Variants in SLC26A8 observed in about 807,000 individuals in gnomAD.
The protein encoded by SLC26A8 is testis anion transporter 1.
In SLC26A8, 70 loss-of-function variants were observed where a neutral mutation model predicts 105.0. The ratio of observed to expected loss-of-function variants is 0.67; its 90% CI spans 0.55 to 0.81. The LOEUF (loss-of-function observed/expected upper bound fraction) is 0.81, where lower values mean the gene tolerates loss of function less well. Ranked by LOEUF, SLC26A8 falls within the 40% of genes least tolerant of loss-of-function variation. The pLI, the probability that SLC26A8 is intolerant of heterozygous loss-of-function variation, is 0.00. For synonymous variants in SLC26A8, 415 were observed against 438.3 expected (o/e 0.95, Z 0.66); for missense variants, 998 against 1,181.8 (o/e 0.84, Z 2.28).
chr6:36,015,772 A>C (rs1761979921), intron 2 of SLC26A8, among the ~76,000 whole-genome samples: 1 of 152,134 alleles, frequency 6.6e-6, no homozygotes, highest in Non-Finnish European at 1.5e-5. Context: ...CAACTTGCAA[A>C]AGGCAGAATG....
intron 19 of SLC26A8, among the ~76,000 whole-genome samples, chr6:35,949,435 T>TA (rs943844494): frequency 2.4e-4 from 36 of 147,068 alleles, no homozygotes; most frequent in South Asian, 1.9e-3. Context: ...GTCTCAAAAA[T>TA]AAAAAAAAAA....
At chr6:35,973,814 T>C (rs770760186) in intron 10 of SLC26A8, among the ~76,000 whole-genome samples, 1 of 152,266 alleles carries the variant, frequency 6.6e-6, no homozygotes, top group Non-Finnish European at 1.5e-5. Context: ...CATTCGTTTC[T>C]GACCATGGCT....
chr6:35,963,426 T>C (rs1428519084), intron 11 of SLC26A8, among the ~76,000 whole-genome samples: 1 of 152,208 alleles, frequency 6.6e-6, no homozygotes, highest in African/African-American at 2.4e-5. Context: ...GGTCTATGAA[T>C]GCTCCTAAGG....
chr6:35,980,873 C>T (rs1773239531), intron 8 of SLC26A8, among the ~76,000 whole-genome samples: 2 of 152,102 alleles, frequency 1.3e-5, no homozygotes, highest in South Asian at 4.2e-4. Flanking sequence ...ATTAGCCAGG[C>T]GTGGTGGCAG....
chr6:36,017,529 G>A (rs1389564377), intron 2 of SLC26A8, among the ~76,000 whole-genome samples: 1 of 152,016 alleles, frequency 6.6e-6, no homozygotes, highest in Non-Finnish European at 1.5e-5. Context: ...CTACTCAGGA[G>A]GCTGAGGCAG....
chr6:35,951,596 T>G (rs1771875689), intron 17 of SLC26A8, 97 bp from the exon 18 acceptor site: 1 of 1,345,402 alleles, frequency 7.4e-7, no homozygotes, highest in Admixed American at 1.8e-5. Flanking sequence ...TTTTGGTTTT[T>G]TGTGACAGAG....
chr6:35,952,148 G>A (rs1005808627), intron 17 of SLC26A8, among the ~76,000 whole-genome samples: 1 of 152,168 alleles, frequency 6.6e-6, no homozygotes, highest in African/African-American at 2.4e-5. Context: ...AGGCACAGGT[G>A]TGAGGCAAAC....
At position 35,992,577 on chromosome 6, in the gene SLC26A8, A is replaced by G; in HGVS notation, c.725T>C (p.Leu242Pro). Residue 242 changes from leucine (L) to proline (P), a missense_variant, in exon 6 of 20, where the codon CTG (leucine) becomes CCG (proline). Leu to Pro is a moderately conservative substitution (Grantham distance 98). Coordinates refer to ENST00000490799, the MANE Select transcript of SLC26A8 (RefSeq NM_052961.4). ...CCCAAAGATGAAAGTCAGCTGGGAC[A>G]GCATGATATGAAGTGCCACAGCAGC... ...YLAAVALHIM[L>P]SQLTFIFGIM... 6.2e-7 allele frequency: 1 copy of G among 1,614,208 alleles called. No homozygotes were observed. The highest frequency in any genetic ancestry group is 8.5e-7 in the Non-Finnish European group (1 of 1,180,026).
At chr6:35,968,589 A>ATGTGTGTGAAATATACATATGTGTG (rs1554163640) in intron 11 of SLC26A8, among the ~76,000 whole-genome samples, 4 of 61,416 alleles carry the variant, frequency 6.5e-5, no homozygotes, top group Admixed American at 2.1e-4. Flanking sequence ...ATATGTGTGT[A>ATGTGTGTGAAATATACATATGTGTG]TGTGTGTGTG....
At chr6:35,972,765 T>C (rs1772846337) in intron 10 of SLC26A8, among the ~76,000 whole-genome samples, 2 of 152,240 alleles carry the variant, frequency 1.3e-5, no homozygotes, top group South Asian at 4.1e-4. Context: ...GCAGACCTTC[T>C]GTTCAACAGG....
chr6:36,022,830 G>A (rs1762158519), intron 1 of SLC26A8, among the ~76,000 whole-genome samples: 1 of 151,462 alleles, frequency 6.6e-6, no homozygotes, highest in Admixed American at 6.6e-5. Context: ...TGTACTAGCA[G>A]GACACTTCCC....
intron 7 of SLC26A8, chr6:35,989,927 CTTTTTTTTTTTTTTTTTTTTT>C (rs869306115): frequency 2.4e-5 from 2 of 84,572 alleles, no homozygotes; most frequent in Non-Finnish European, 4.1e-5. Context: ...GTTTTCTTTT[CTTTTTTTTTTTTTTTTTTTTT>C]TTTTTTTGAG....
At chr6:35,957,266 A>G (rs1334283415) in intron 16 of SLC26A8, among the ~76,000 whole-genome samples, 3 of 152,118 alleles carry the variant, frequency 2.0e-5, no homozygotes, top group African/African-American at 2.4e-5. Context: ...TGAGAACTAT[A>G]AAGCACAAGG....
intron 6 of SLC26A8, 33 bp downstream of exon 6, chr6:35,992,477 T>C (rs552316620): frequency 1.9e-6 from 3 of 1,588,138 alleles, no homozygotes; most frequent in African/African-American, 2.7e-5. Flanking sequence ...GGAGTGGCAT[T>C]TGTAACTCTG....
intron 2 of SLC26A8, among the ~76,000 whole-genome samples, chr6:36,017,467 A>G (rs1762026409): frequency 6.6e-6 from 1 of 152,120 alleles, no homozygotes; most frequent in Admixed American, 6.5e-5. Context: ...CCCCACCTCT[A>G]TTAAAAATAC....
intron 5 of SLC26A8, among the ~76,000 whole-genome samples, chr6:35,995,495 T>C (rs969658): frequency 0.56 from 85,224 of 152,008 alleles, 24,241 homozygotes; most frequent in South Asian, 0.7. Flanking sequence ...TATTATTTTA[T>C]GCTTAAGATT....
At chr6:35,982,243 T>G in intron 7 of SLC26A8, 40 bp from the exon 8 acceptor site, 4 of 1,574,654 alleles carry the variant, frequency 2.5e-6, no homozygotes, top group East Asian at 2.2e-5. Flanking sequence ...GGCATATGAA[T>G]ACCTAAATAT....
At chr6:35,945,275 A>C (rs188286294) in intron 19 of SLC26A8, among the ~76,000 whole-genome samples, 2 of 152,230 alleles carry the variant, frequency 1.3e-5, no homozygotes, top group Admixed American at 6.5e-5. Context: ...CTTCAGACTC[A>C]ATCAATTTCC....
chr6:35,982,261 C>T (rs1219835975), intron 7 of SLC26A8, 58 bp from the exon 8 acceptor site: 18 of 1,551,786 alleles, frequency 1.2e-5, no homozygotes, highest in South Asian at 6.7e-5. Flanking sequence ...TATAGTGCAT[C>T]GCTTCTAGAA....
Sources: allele counts gnomAD v4.1 joint callset (sites outside exome capture counted in the v4.1 genomes callset), GRCh38; gene constraint gnomAD v4.1.1; transcripts MANE v1.5; gene names NCBI Gene and HGNC (gene_info 2026-07-23, HGNC 2026-07-21).